The following LRRC20 variants were observed in gnomAD, a reference collection of about 807,000 sequenced individuals.
LRRC20 encodes the protein leucine rich repeat containing 20.
A neutral mutation model predicts 14.4 loss-of-function variants in LRRC20; 11 were observed. The observed-to-expected ratio is 0.77, with a 90% CI of 0.48 to 1.27. The LOEUF is 1.27. Ranked by LOEUF, LRRC20 falls within the 50% of genes most tolerant of loss-of-function variation. LRRC20 has a pLI of 0.00. For missense variants in LRRC20, 219 were observed against 251.2 expected (o/e 0.87, Z 0.87); for synonymous variants, 121 against 107.3 (o/e 1.13, Z -0.79).
intron 3 of LRRC20, among the ~76,000 whole-genome samples, chr10:70,327,418 T>C (rs1842369067): frequency 6.6e-6 from 1 of 151,590 alleles, no homozygotes; most frequent in Admixed American, 6.6e-5. Context: ...CTATTAAAAA[T>C]ACAAAAATGA....
intron 2 of LRRC20, among the ~76,000 whole-genome samples, chr10:70,370,661 C>G (rs930462810): frequency 6.6e-6 from 1 of 152,002 alleles, no homozygotes; most frequent in Non-Finnish European, 1.5e-5. Context: ...GAGAATTGCT[C>G]GAACCCAGGA....
At chr10:70,308,192 T>C (rs767024651) in intron 4 of LRRC20, among the ~76,000 whole-genome samples, 6 of 152,176 alleles carry the variant, frequency 3.9e-5, no homozygotes, top group Non-Finnish European at 8.8e-5. Flanking sequence ...TTCCTGGACA[T>C]ACTGATATTC....
At chr10:70,331,196 T>A (rs538953618) in intron 3 of LRRC20, among the ~76,000 whole-genome samples, 12 of 152,326 alleles carry the variant, frequency 7.9e-5, no homozygotes, top group Admixed American at 7.8e-4. Context: ...GTCTTCACCA[T>A]CACTGTATCA....
chr10:70,346,689 A>G (rs1843082764), intron 2 of LRRC20, among the ~76,000 whole-genome samples: 1 of 152,232 alleles, frequency 6.6e-6, no homozygotes. Context: ...GGGAAAGACA[A>G]TAGAAAGAAA....
At chr10:70,326,801 C>T (rs974813330) in intron 3 of LRRC20, among the ~76,000 whole-genome samples, 3 of 152,130 alleles carry the variant, frequency 2.0e-5, no homozygotes, top group African/African-American at 4.8e-5. Context: ...TACAGGCACC[C>T]GCCACCACGC....
At chr10:70,345,360 T>C (rs1299518748) in intron 2 of LRRC20, among the ~76,000 whole-genome samples, 1 of 151,672 alleles carries the variant, frequency 6.6e-6, no homozygotes, top group Non-Finnish European at 1.5e-5. Flanking sequence ...TAAACCAAAT[T>C]AAAAAAAGTA....
At chr10:70,368,613 ATTT>A (rs1364753565) in intron 2 of LRRC20, among the ~76,000 whole-genome samples, 1 of 151,098 alleles carries the variant, frequency 6.6e-6, no homozygotes, top group Non-Finnish European at 1.5e-5. Context: ...CTGAGGTTTT[ATTT>A]TTATTTATTT....
At chr10:70,374,610 C>A (rs979602390) in intron 2 of LRRC20, among the ~76,000 whole-genome samples, 1 of 152,158 alleles carries the variant, frequency 6.6e-6, no homozygotes, top group Non-Finnish European at 1.5e-5. Flanking sequence ...TCCCAAAGTG[C>A]TGAGATTACA....
rs555217169 is a variant in LRRC20 at position 70,372,685 on chromosome 10, G to A, written c.82+3767C>T. ...TTTCGATCTCCTGACCTTGTGATCC[G>A]CCCGCCTCGGCCACCCAAAGTGCTG... On this transcript the variant is annotated intron_variant, in intron 2 of 4. Transcript: ENST00000446961. 1.0e-3 allele frequency among the ~76,000 whole-genome samples: 158 copies of A among 151,898 alleles called. 1 individual carries two copies. The highest frequency in any genetic ancestry group is 3.4e-3 in the Middle Eastern group (1 of 294).
At chr10:70,356,318 C>A (rs1191052436) in intron 2 of LRRC20, among the ~76,000 whole-genome samples, 4 of 151,946 alleles carry the variant, frequency 2.6e-5, no homozygotes, top group Non-Finnish European at 5.9e-5. Context: ...TCAAGACCAT[C>A]CTGGGCAACA....
At chr10:70,350,607 C>T (rs1479222714) in intron 2 of LRRC20, among the ~76,000 whole-genome samples, 1 of 152,188 alleles carries the variant, frequency 6.6e-6, no homozygotes. Context: ...ACTTTGACCC[C>T]TGCCAGCCCC....
intron 2 of LRRC20, among the ~76,000 whole-genome samples, chr10:70,359,539 T>A (rs1843645346): frequency 6.6e-6 from 1 of 152,158 alleles, no homozygotes; most frequent in Non-Finnish European, 1.5e-5. Context: ...AGACCTTGTC[T>A]CAAAATTATA....
intron 3 of LRRC20, among the ~76,000 whole-genome samples, chr10:70,325,205 A>G (rs1842273596): frequency 6.6e-6 from 1 of 152,164 alleles, no homozygotes; most frequent in African/African-American, 2.4e-5. Flanking sequence ...TCATGATCAG[A>G]AGGGCCCCGC....
intron 2 of LRRC20, among the ~76,000 whole-genome samples, chr10:70,375,852 C>T (rs1254717802): frequency 1.3e-5 from 2 of 151,976 alleles, no homozygotes; most frequent in Non-Finnish European, 2.9e-5. Flanking sequence ...CTGCTGAATT[C>T]GATTAAATGG....
intron 2 of LRRC20, among the ~76,000 whole-genome samples, chr10:70,354,830 TCAGAGGCACACGTGA>T (rs1423920381): frequency 2.6e-5 from 4 of 152,188 alleles, no homozygotes; most frequent in Non-Finnish European, 5.9e-5. Context: ...CTTCTGGTAC[TCAGAGGCACACGTGA>T]CCCTCGGTGT....
chr10:70,340,446 G>T lies in LRRC20; in HGVS notation c.232+107C>A, dbSNP rs918093598. The T allele has an allele frequency of 5.3e-6, 7 of 1,312,236 alleles. No homozygotes were observed. In the African/African-American group the frequency reaches 1.0e-4, roughly 19 times the overall value. The allele number at this position is 1,312,236 out of a possible 1,614,324, so 81.3% of individuals were successfully genotyped here. A position where few individuals can be genotyped will look rare whatever the true frequency, so the allele number is the denominator to read the frequency against. ...GTCAACCCATGGGAATGATTTCATG[G>T]GTGTCGCTGACCAGGGACCAGCTCT... On this transcript the variant is annotated intron_variant, in intron 3 of 4. Coordinates refer to ENST00000446961, the MANE Select transcript of LRRC20 (RefSeq NM_001278212.2).
At chr10:70,303,701 C>T (rs112492077) in intron 4 of LRRC20, among the ~76,000 whole-genome samples, 9 of 152,316 alleles carry the variant, frequency 5.9e-5, no homozygotes, top group African/African-American at 2.2e-4. Context: ...TAACTGAAGA[C>T]GCAGCACAGC....
At chr10:70,332,999 G>A (rs1842594276) in intron 3 of LRRC20, among the ~76,000 whole-genome samples, 2 of 152,216 alleles carry the variant, frequency 1.3e-5, no homozygotes, top group African/African-American at 2.4e-5. Context: ...CTCTGCAGGT[G>A]TGGCAGAGAC....
chr10:70,341,579 C>A (rs1211814703), intron 2 of LRRC20, among the ~76,000 whole-genome samples: 2 of 152,046 alleles, frequency 1.3e-5, no homozygotes, highest in African/African-American at 4.8e-5. Flanking sequence ...ACCAGCCTGG[C>A]CAACATGGTG....
Sources: allele counts gnomAD v4.1 joint callset (sites outside exome capture counted in the v4.1 genomes callset), GRCh38; gene constraint gnomAD v4.1.1; transcripts MANE v1.5; gene names NCBI Gene and HGNC (gene_info 2026-07-23, HGNC 2026-07-21).